PRKG1: variants seen among roughly 807,000 people sequenced by gnomAD.
The protein encoded by PRKG1 is protein kinase cGMP-dependent 1.
Under a neutral mutation model 88.1 loss-of-function variants are expected in PRKG1, and 35 were observed. The ratio of observed to expected loss-of-function variants is 0.40; its 90% CI spans 0.30 to 0.53. The LOEUF is 0.53. Ranked by LOEUF, PRKG1 falls within the 20% of genes least tolerant of loss-of-function variation. PRKG1 has a pLI of 0.59. For missense variants in PRKG1, 540 were observed against 839.8 expected (o/e 0.64, Z 4.41); for synonymous variants, 303 against 292.5 (o/e 1.04, Z -0.37).
chr10:51,189,539 G>C (rs1179844754), intron 2 of PRKG1, among the ~76,000 whole-genome samples: 3 of 151,748 alleles, frequency 2.0e-5, no homozygotes, highest in Non-Finnish European at 4.4e-5. Context: ...TAATATTAAG[G>C]CTCTAAAACC....
chr10:52,290,930 A>AT (rs1224036979), intron 17 of PRKG1, among the ~76,000 whole-genome samples: 30 of 115,524 alleles, frequency 2.6e-4, no homozygotes, highest in East Asian at 4.9e-4. Context: ...TTTTTTTTTA[A>AT]TTTTTTTTTT....
At chr10:51,521,047 G>T (rs1217591661) in intron 3 of PRKG1, among the ~76,000 whole-genome samples, 3 of 152,238 alleles carry the variant, frequency 2.0e-5, no homozygotes, top group Non-Finnish European at 4.4e-5. Context: ...TCCCAGCACT[G>T]GGAGGCCAAG....
intron 4 of PRKG1, among the ~76,000 whole-genome samples, chr10:51,900,303 T>C (rs1440556223): frequency 6.6e-6 from 1 of 152,198 alleles, no homozygotes; most frequent in South Asian, 2.1e-4. Context: ...ACATTCTTTT[T>C]TGTGATTTCA....
At chr10:51,247,361 T>C (rs1205920139) in intron 2 of PRKG1, among the ~76,000 whole-genome samples, 2 of 152,056 alleles carry the variant, frequency 1.3e-5, no homozygotes, top group African/African-American at 4.8e-5. Context: ...GAAACTTAGA[T>C]ATCTATTTAA....
intron 2 of PRKG1, among the ~76,000 whole-genome samples, chr10:51,443,518 A>G (rs1315787730): frequency 6.6e-6 from 1 of 152,040 alleles, no homozygotes; most frequent in African/African-American, 2.4e-5. Flanking sequence ...GGCAGAATGT[A>G]TCAACTCTAA....
intron 3 of PRKG1, among the ~76,000 whole-genome samples, chr10:51,566,939 AG>A (rs1428304754): frequency 0.067 from 10,182 of 151,040 alleles, 1,101 homozygotes; most frequent in African/African-American, 0.23. Flanking sequence ...AAAAAAAAAG[AG>A]AGAGAGAGAA....
chr10:51,508,047 C>A (rs571220766), intron 3 of PRKG1, among the ~76,000 whole-genome samples: 51 of 151,998 alleles, frequency 3.4e-4, no homozygotes, highest in Non-Finnish European at 6.5e-4. Context: ...GTCTGATAGT[C>A]CAGATTCAAG....
intron 3 of PRKG1, among the ~76,000 whole-genome samples, chr10:51,592,724 G>A (rs1437564258): frequency 1.3e-5 from 2 of 152,072 alleles, no homozygotes; most frequent in Non-Finnish European, 2.9e-5. Context: ...CATTCTGGGG[G>A]CTCAGTACCA....
chr10:51,042,732 T>A (rs762728793), intron 1 of PRKG1, among the ~76,000 whole-genome samples: 2 of 152,170 alleles, frequency 1.3e-5, no homozygotes, highest in Non-Finnish European at 2.9e-5. Context: ...AGTGCTGGAA[T>A]AAGGGTCCTC....
At chr10:51,741,138 C>T (rs1263704345) in intron 3 of PRKG1, among the ~76,000 whole-genome samples, 1 of 144,042 alleles carries the variant, frequency 6.9e-6, no homozygotes, top group Non-Finnish European at 1.5e-5. Context: ...TGAATGAAAC[C>T]TTTGGTGAAA....
chr10:51,898,159 A>G (rs887143697), intron 4 of PRKG1, among the ~76,000 whole-genome samples: 1 of 151,932 alleles, frequency 6.6e-6, no homozygotes, highest in African/African-American at 2.4e-5. Context: ...CCAGTTATCT[A>G]TCTCCCTCAC....
intron 1 of PRKG1, among the ~76,000 whole-genome samples, chr10:51,111,182 C>T (rs1042324285): frequency 6.6e-6 from 1 of 152,010 alleles, no homozygotes; most frequent in Non-Finnish European, 1.5e-5. Context: ...CTACTTTATG[C>T]AGTAGGTGGG....
At chr10:51,048,031 G>A (rs1843513069) in intron 1 of PRKG1, among the ~76,000 whole-genome samples, 1 of 152,158 alleles carries the variant, frequency 6.6e-6, no homozygotes, top group African/African-American at 2.4e-5. Context: ...AGTGGCCTGT[G>A]ATATTAATAC....
chr10:52,270,642 T>A (rs1479840017), intron 10 of PRKG1, among the ~76,000 whole-genome samples: 2 of 144,764 alleles, frequency 1.4e-5, no homozygotes, highest in Non-Finnish European at 3.0e-5. Context: ...ACACCGCATG[T>A]TCTCACTCAT....
chr10:51,123,405 C>G (rs1046964864), intron 1 of PRKG1, among the ~76,000 whole-genome samples: 2 of 152,052 alleles, frequency 1.3e-5, no homozygotes, highest in African/African-American at 4.8e-5. Flanking sequence ...AATACCTGAG[C>G]CCGGGCCTGG....
chr10:50,991,664 G>A lies in PRKG1; in HGVS notation c.266+20G>A. 6.8e-7 allele frequency: 1 copy of A among 1,465,762 alleles called. No homozygotes were observed. Among genetic ancestry groups the A allele is most frequent in the Non-Finnish European group, 9.1e-7 (1 of 1,104,642 alleles). 90.8% of individuals were successfully genotyped at this position (1,465,762 alleles called of 1,614,324 possible). A position where few individuals can be genotyped will look rare whatever the true frequency, so the allele number is the denominator to read the frequency against. The stretch of plus-strand genomic sequence containing the variant: ...CGAAAGGTAGGCGCGGAGGCCGTGG[G>A]CCCGGGCGCTCGTCCCGGCCCGCGG... On this transcript the variant is annotated intron_variant, in intron 1 of 17. Coordinates refer to the PRKG1 transcript ENST00000401604. The surrounding 1 kb of genome is among the most constrained non-coding windows in gnomAD (Gnocchi z 4.5).
chr10:51,139,981 G>C (rs10995837), intron 1 of PRKG1, among the ~76,000 whole-genome samples: 23,812 of 152,102 alleles, frequency 0.16, 1,919 homozygotes, highest in Middle Eastern at 0.22. Context: ...CTTATGTCTC[G>C]AAATTGACCT....
chr10:51,183,258 G>T (rs1234052596), intron 2 of PRKG1, among the ~76,000 whole-genome samples: 2 of 152,146 alleles, frequency 1.3e-5, no homozygotes, highest in Non-Finnish European at 2.9e-5. Context: ...GCTGGGTTGT[G>T]GGAAAGCATA....
intron 3 of PRKG1, among the ~76,000 whole-genome samples, chr10:51,633,464 G>GA (rs142578431): frequency 0.3 from 45,689 of 151,494 alleles, 7,113 homozygotes; most frequent in Admixed American, 0.37. Context: ...ATGGACTCAA[G>GA]AAAAAAAAGA....
Sources: allele counts gnomAD v4.1 joint callset (sites outside exome capture counted in the v4.1 genomes callset), GRCh38; gene constraint gnomAD v4.1.1; non-coding constraint Gnocchi (gnomAD v3.1); transcripts MANE v1.5; gene names NCBI Gene and HGNC (gene_info 2026-07-23, HGNC 2026-07-21).